ADGRB3: variants seen among roughly 807,000 people sequenced by gnomAD.
ADGRB3 encodes the protein brain-specific angiogenesis inhibitor 3.
In ADGRB3, 37 loss-of-function variants were observed where a neutral mutation model predicts 193.4. The ratio of observed to expected loss-of-function variants is 0.19; its 90% confidence interval spans 0.15 to 0.25. The LOEUF (loss-of-function observed/expected upper bound fraction) is 0.25. Ranked by LOEUF, ADGRB3 falls within the 10% of genes least tolerant of loss-of-function variation. The pLI is 1.00. For missense variants in ADGRB3, 1,637 were observed against 1,852.9 expected (o/e 0.88, Z 2.14); for synonymous variants, 690 against 644.2 (o/e 1.07, Z -1.08).
At chr6:69,355,076 T>C (rs1769310532) in intron 27 of ADGRB3, among the ~76,000 whole-genome samples, 2 of 152,174 alleles carry the variant, frequency 1.3e-5, no homozygotes, top group South Asian at 4.1e-4. Context: ...CAAAGAATAA[T>C]CAACTCCTTA....
intron 14 of ADGRB3, among the ~76,000 whole-genome samples, chr6:69,049,065 G>C (rs1310690213): frequency 6.6e-6 from 1 of 152,110 alleles, no homozygotes; most frequent in Non-Finnish European, 1.5e-5. Context: ...CCTGGTAAAG[G>C]AAGTTTCCTT....
chr6:69,233,268 C>T (rs749576303), intron 17 of ADGRB3, 22 bp from the exon 18 acceptor site: 11 of 1,609,958 alleles, frequency 6.8e-6, no homozygotes, highest in Admixed American at 1.7e-5. Context: ...CCGATTTCCT[C>T]CCCCCTCACT....
chr6:69,066,115 G>C (rs1254115254), intron 16 of ADGRB3, among the ~76,000 whole-genome samples: 1 of 151,366 alleles, frequency 6.6e-6, no homozygotes, highest in Non-Finnish European at 1.5e-5. Context: ...GATGACAAGA[G>C]ACAACTAATA....
chr6:68,841,121 A>C (rs1768151492), intron 3 of ADGRB3, among the ~76,000 whole-genome samples: 1 of 152,042 alleles, frequency 6.6e-6, no homozygotes, highest in Non-Finnish European at 1.5e-5. Flanking sequence ...ATTAGAACTA[A>C]AGGGAGATAC....
chr6:68,908,198 A>T (rs575067435), intron 3 of ADGRB3, among the ~76,000 whole-genome samples: 1 of 152,000 alleles, frequency 6.6e-6, no homozygotes. Context: ...CTACTCTCAA[A>T]AAGAAACATC....
At chr6:69,226,304 T>C (rs1353532973) in intron 17 of ADGRB3, among the ~76,000 whole-genome samples, 1 of 152,180 alleles carries the variant, frequency 6.6e-6, no homozygotes, top group Non-Finnish European at 1.5e-5. Flanking sequence ...TAAATATTTG[T>C]TGAATAAATG....
At chr6:69,071,172 C>T (rs1772068302) in intron 16 of ADGRB3, among the ~76,000 whole-genome samples, 1 of 152,166 alleles carries the variant, frequency 6.6e-6, no homozygotes, top group Non-Finnish European at 1.5e-5. Context: ...GATCATCTGC[C>T]TGCTCTCTCT....
intron 3 of ADGRB3, among the ~76,000 whole-genome samples, chr6:68,716,795 T>C (rs181185505): frequency 6.6e-6 from 1 of 151,784 alleles, no homozygotes; most frequent in East Asian, 1.9e-4. Context: ...CTGACATATT[T>C]AGGTGATTTG....
At chr6:69,173,775 A>T (rs923419020) in intron 17 of ADGRB3, among the ~76,000 whole-genome samples, 1 of 152,200 alleles carries the variant, frequency 6.6e-6, no homozygotes, top group African/African-American at 2.4e-5. Flanking sequence ...AGGTCAGAGA[A>T]TAAGATTGTG....
At chr6:69,042,511 G>A (rs1389298147) in intron 13 of ADGRB3, among the ~76,000 whole-genome samples, 1 of 151,758 alleles carries the variant, frequency 6.6e-6, no homozygotes, top group Non-Finnish European at 1.5e-5. Flanking sequence ...AAATATATAA[G>A]TCATGTTTTA....
At chr6:68,971,107 A>G (rs1768554696) in intron 8 of ADGRB3, among the ~76,000 whole-genome samples, 1 of 152,214 alleles carries the variant, frequency 6.6e-6, no homozygotes, top group African/African-American at 2.4e-5. Flanking sequence ...CCAAAGAAAC[A>G]CATATAGTTG....
chr6:68,643,805 A>T (rs2127276896), intron 3 of ADGRB3, among the ~76,000 whole-genome samples: 1 of 151,562 alleles, frequency 6.6e-6, no homozygotes, highest in South Asian at 2.1e-4. Context: ...TGGTGGTGGC[A>T]GCCTGTAATC....
chr6:68,999,296 G>T (rs1191223127), intron 11 of ADGRB3, among the ~76,000 whole-genome samples: 7 of 140,382 alleles, frequency 5.0e-5, no homozygotes, highest in South Asian at 4.4e-4. Flanking sequence ...ATGGAGTCTC[G>T]CACTGTCGCC....
intron 4 of ADGRB3, among the ~76,000 whole-genome samples, chr6:68,933,898 A>G (rs1482742119): frequency 1.3e-5 from 2 of 152,118 alleles, no homozygotes; most frequent in Non-Finnish European, 2.9e-5. Flanking sequence ...TTCATGCTAG[A>G]CTAAAGAGCT....
intron 20 of ADGRB3, among the ~76,000 whole-genome samples, chr6:69,263,487 C>G (rs766515212): frequency 3.8e-4 from 57 of 151,958 alleles, no homozygotes; most frequent in Middle Eastern, 6.3e-3. Context: ...TTCAGGTTTC[C>G]TAACAGCACA....
At chr6:68,912,520 C>T (rs994826169) in intron 3 of ADGRB3, among the ~76,000 whole-genome samples, 1 of 152,020 alleles carries the variant, frequency 6.6e-6, no homozygotes, top group Non-Finnish European at 1.5e-5. Context: ...CCTCCCCGCT[C>T]CCTCCACCCC....
chr6:68,987,732 T>C (rs1255255212), intron 10 of ADGRB3, among the ~76,000 whole-genome samples: 7 of 152,096 alleles, frequency 4.6e-5, no homozygotes, highest in Non-Finnish European at 1.0e-4. Context: ...CACTCCTTCA[T>C]CTGTAAATGT....
intron 3 of ADGRB3, among the ~76,000 whole-genome samples, chr6:68,787,910 C>A (rs1379010595): frequency 6.6e-6 from 1 of 152,186 alleles, no homozygotes. Context: ...GGAATTTATC[C>A]ATTTCCTCTA....
At chr6:69,132,400 T>A (rs2150334587) in intron 17 of ADGRB3, among the ~76,000 whole-genome samples, 1 of 152,340 alleles carries the variant, frequency 6.6e-6, no homozygotes, top group East Asian at 1.9e-4. Context: ...TCTCCATATG[T>A]TTGTTGGCCA....
Sources: gnomAD v4.1 joint callset for allele counts (sites outside exome capture counted in the v4.1 genomes callset) on GRCh38, gnomAD v4.1.1 for gene constraint, MANE v1.5 for transcripts, NCBI Gene and HGNC (gene_info 2026-07-23, HGNC 2026-07-21) for gene names.